The following SH3TC1 variants were observed in gnomAD, a reference collection of about 807,000 sequenced individuals.
SH3TC1 encodes SH3 domain and tetratricopeptide repeat-containing protein 1.
Under a neutral mutation model 117.3 loss-of-function variants are expected in SH3TC1, and 135 were observed. That is an observed-to-expected ratio of 1.15 (90% confidence interval 1.00 to 1.33). SH3TC1 has a LOEUF of 1.33. SH3TC1 is among the 40% of genes most tolerant of loss of function. The probability of loss-of-function intolerance (pLI) is 0.00; values close to 1 mark genes in which losing one functional copy is unlikely to be tolerated. For synonymous variants in SH3TC1, 898 were observed against 816.9 expected (o/e 1.10, Z -1.69); for missense variants, 2,092 against 1,794.3 (o/e 1.17, Z -3.00).
chr4:8,202,899 A>G (rs1717932788), intron 1 of SH3TC1, among the ~76,000 whole-genome samples: 1 of 152,050 alleles, frequency 6.6e-6, no homozygotes, highest in Non-Finnish European at 1.5e-5. Flanking sequence ...GAAACCAAGG[A>G]CTTTAGACCG....
Position 8,213,646 on chromosome 4 carries a change from C to T in SH3TC1, c.375+818C>T, listed in dbSNP as rs193157840. Among the ~76,000 whole-genome samples the T allele has an allele frequency of 7.0e-3, 1,061 of 152,258 alleles. 15 individuals carry two copies. Among genetic ancestry groups the T allele is most frequent in the South Asian group, 0.043 (206 of 4,806 alleles). ...GACATGGTGGCTCACACCTGTAATCCTAGCACTTTGGGCGAACGACGAAGA... is the reference window on the plus strand; with the variant it reads ...GACATGGTGGCTCACACCTGTAATCTTAGCACTTTGGGCGAACGACGAAGA... On this transcript the variant is annotated intron_variant, in intron 4 of 17. Coordinates refer to ENST00000245105, the MANE Select transcript of SH3TC1 (RefSeq NM_018986.5).
chr4:8,225,337 G>A lies in SH3TC1; in HGVS notation c.1285+121G>A, dbSNP rs1305380075. On this transcript the variant is annotated intron_variant, in intron 11 of 17. Coordinates refer to ENST00000245105, the MANE Select transcript of SH3TC1 (RefSeq NM_018986.5). This position sits in a 1 kb window ranked among gnomAD's most constrained non-coding sequence, Gnocchi z 5.5. ...GGTGCGGCTGTCACCCCTCTGTGGT[G>A]TGGGCTGGGGGCTTGGGGGAGGTTG... The A allele has an allele frequency of 3.5e-5, 40 of 1,144,714 alleles. 1 individual carries two copies. In the East Asian group the frequency reaches 9.6e-4, roughly 28 times the overall value. The allele number at this position is 1,144,714 out of a possible 1,614,324, so 70.9% of individuals were successfully genotyped here. A position where few individuals can be genotyped will look rare whatever the true frequency, so the allele number is the denominator to read the frequency against.
intron 1 of SH3TC1, among the ~76,000 whole-genome samples, chr4:8,185,854 G>C (rs1717204191): frequency 6.6e-6 from 1 of 152,190 alleles, no homozygotes; most frequent in Non-Finnish European, 1.5e-5. Flanking sequence ...GGTCAGCACA[G>C]TCGTGGTTTT....
chr4:8,207,436 G>A (rs566154788), intron 2 of SH3TC1, among the ~76,000 whole-genome samples: 74 of 152,320 alleles, frequency 4.9e-4, no homozygotes, highest in African/African-American at 1.5e-3. Context: ...CTGAAACTGC[G>A]TGAATATCCT....
chr4:8,205,180 A>G lies in SH3TC1; in HGVS notation c.-15A>G. The G allele has an allele frequency of 6.7e-7, 1 of 1,500,694 alleles. No individual in the cohort carries two copies. Among genetic ancestry groups the G allele is most frequent in the Non-Finnish European group, 8.9e-7 (1 of 1,124,954 alleles). 93.0% of individuals were successfully genotyped at this position (1,500,694 alleles called of 1,614,324 possible). Reference sequence around the variant, plus strand: ...CTCTGTCCACAGGGCCAGGCATGTGAGGTCTCTGCGGGTCATGGAGAACCT... The same window carrying G: ...CTCTGTCCACAGGGCCAGGCATGTGGGGTCTCTGCGGGTCATGGAGAACCT... On this transcript the variant is annotated 5_prime_UTR_variant, in exon 2 of 18. It removes the in-frame stop codon of an upstream open reading frame in the 5' UTR. Coordinates refer to ENST00000245105, the MANE Select transcript of SH3TC1 (RefSeq NM_018986.5). This position sits in a 1 kb window ranked among gnomAD's most constrained non-coding sequence, Gnocchi z 5.4.
chr4:8,233,870 C>T (rs1721499393), intron 14 of SH3TC1, among the ~76,000 whole-genome samples: 1 of 150,914 alleles, frequency 6.6e-6, no homozygotes, highest in African/African-American at 2.4e-5. Flanking sequence ...ATCCATTCAC[C>T]TATCATCCTT....
intron 6 of SH3TC1, 36 bp downstream of exon 6, chr4:8,216,293 T>C: frequency 6.2e-7 from 1 of 1,601,522 alleles, no homozygotes; most frequent in Non-Finnish European, 8.5e-7. Context: ...GAGATCCAGC[T>C]GTGCGGGGCA....
intron 1 of SH3TC1, among the ~76,000 whole-genome samples, chr4:8,191,027 G>A (rs898343299): frequency 2.6e-5 from 4 of 152,192 alleles, no homozygotes; most frequent in South Asian, 4.1e-4. Context: ...GAGCTGCAGG[G>A]CTGCTGTGGG....
rs1421582154 is a variant in SH3TC1 at position 8,209,806 on chromosome 4, G to C, written c.231G>C (p.Met77Ile). ...GPAAGTPPCQ[M>I]GVYPTDLTLQ... Reference sequence around the variant, plus strand: ...CTGCTGGGACCCCTCCCTGCCAGATGGGGGTTTATCCCACAGGTAAACATC... The same window carrying C: ...CTGCTGGGACCCCTCCCTGCCAGATCGGGGTTTATCCCACAGGTAAACATC... Residue 77 changes from methionine (M) to isoleucine (I), a missense_variant, in exon 3 of 18, where the codon ATG (methionine) becomes ATC (isoleucine). By Grantham distance (10) the Met-to-Ile change is conservative (BLOSUM62 1). Transcript: ENST00000245105. The surrounding 1 kb of genome is among the most constrained non-coding windows in gnomAD (Gnocchi z 5.9). 6.2e-7 allele frequency: 1 copy of C among 1,613,354 alleles called. No homozygotes were observed. The highest frequency in any genetic ancestry group is 1.3e-5 in the African/African-American group (1 of 74,872).
rs893760066 is a variant in SH3TC1, at chr4:8,228,567, G to A, written c.2873G>A (p.Arg958His). Residue 958 changes from arginine (R) to histidine (H), a missense_variant, in exon 12 of 18, where the codon CGC (arginine) becomes CAC (histidine). Transcript: ENST00000245105. ...CTGCAGCTGGGCCATCTCTGCACCC[G>A]CCAGGGCCCGGCCCAGCAGGGCAAG... ...VLLQLGHLCT[R>H]QGPAQQGKGY... 18 of 1,598,878 alleles carry A rather than the reference G, an allele frequency of 1.1e-5. No individual in the cohort carries two copies. The highest frequency in any genetic ancestry group is 2.7e-5 in the African/African-American group (2 of 74,732).
intron 1 of SH3TC1, among the ~76,000 whole-genome samples, chr4:8,189,512 G>T (rs751405575): frequency 3.3e-5 from 5 of 152,236 alleles, no homozygotes; most frequent in Non-Finnish European, 5.9e-5. Flanking sequence ...GGCATTGGGG[G>T]TGTGGGACAG....
chr4:8,237,568 G>A lies in SH3TC1; in HGVS notation c.3651G>A (p.Lys1217=), dbSNP rs539036596. 1 of 1,612,242 alleles carries A rather than the reference G, an allele frequency of 6.2e-7. No individual in the cohort carries two copies. The highest frequency in any genetic ancestry group is 1.3e-5 in the African/African-American group (1 of 75,044). Residue 1217 remains lysine (K), a synonymous_variant, in exon 17 of 18, where the codon AAG becomes AAA. Transcript: ENST00000245105. The part of the protein sequence containing the change: ...HGELAEHFYL[K]ALSLCNSPLE... The stretch of plus-strand genomic sequence containing the variant: ...AGCTGGCAGAGCACTTCTACCTCAA[G>A]GCCCTGTCGCTCTGCAACTCGCCGC...
rs1014732684 is a variant in SH3TC1, at chr4:8,210,029, C to A, written c.247+207C>A. 6.6e-6 allele frequency among the ~76,000 whole-genome samples: 1 copy of A among 152,202 alleles called. No homozygotes were observed. Among genetic ancestry groups the A allele is most frequent in the Non-Finnish European group, 1.5e-5 (1 of 68,010 alleles). On this transcript the variant is annotated intron_variant, in intron 3 of 17. Coordinates refer to ENST00000245105, the MANE Select transcript of SH3TC1 (RefSeq NM_018986.5). The surrounding 1 kb of genome is among the most constrained non-coding windows in gnomAD (Gnocchi z 4.1). The stretch of plus-strand genomic sequence containing the variant: ...GGGGGACATGGCCCCTGGGGCTCCC[C>A]TAGGCATCCCTGTGTGCACCTGCAC...
At chr4:8,207,961 A>G (rs1178170042) in intron 2 of SH3TC1, among the ~76,000 whole-genome samples, 1 of 152,228 alleles carries the variant, frequency 6.6e-6, no homozygotes, top group Non-Finnish European at 1.5e-5. Context: ...AGAGCCAGCG[A>G]CCATGACACA....
intron 1 of SH3TC1, among the ~76,000 whole-genome samples, chr4:8,182,916 G>A (rs1029047877): frequency 2.0e-5 from 3 of 152,206 alleles, no homozygotes; most frequent in Non-Finnish European, 4.4e-5. Context: ...CCTGCCACTG[G>A]GGATGAGACC....
chr4:8,225,103 C>G lies in SH3TC1; in HGVS notation c.1244-72C>G. The G allele has an allele frequency of 6.3e-7, 1 of 1,576,646 alleles. No homozygotes were observed. Among genetic ancestry groups the G allele is most frequent in the Non-Finnish European group, 8.7e-7 (1 of 1,151,284 alleles). On this transcript the variant is annotated intron_variant, in intron 10 of 17. Transcript: ENST00000245105. This position sits in a 1 kb window ranked among gnomAD's most constrained non-coding sequence, Gnocchi z 5.5. ...ATGCTCTCACCCTGCAACATCGACA[C>G]TAGCTCAACCTGGCAGGGGACCAGA... is the stretch of plus-strand genomic sequence containing the variant.
intron 1 of SH3TC1, chr4:8,204,949 A>T (rs1578653742): frequency 5.3e-6 from 2 of 376,936 alleles, no homozygotes; most frequent in African/African-American, 4.2e-5. Context: ...GGAGGAAGGG[A>T]GCACAGCAAA....
In SH3TC1 at chr4:8,210,157, G is replaced by A. The variant is rs1718535868; in HGVS notation, c.247+335G>A. ...TAGACGAAAGTACCCACTGCGTCGT[G>A]GGGTGAGGTGTCCAGGCACAGGCTT... On this transcript the variant is annotated intron_variant, in intron 3 of 17. Transcript: ENST00000245105. The surrounding 1 kb of genome is among the most constrained non-coding windows in gnomAD (Gnocchi z 4.1). Among the ~76,000 whole-genome samples, 1 of 152,200 alleles carries A rather than the reference G, an allele frequency of 6.6e-6. No individual in the cohort carries two copies. Among genetic ancestry groups the A allele is most frequent in the Non-Finnish European group, 1.5e-5 (1 of 68,028 alleles).
rs28678308 is a variant in SH3TC1 at position 8,210,449 on chromosome 4, G to T, written c.247+627G>T. 1.3e-5 allele frequency among the ~76,000 whole-genome samples: 2 copies of T among 152,210 alleles called. No individual in the cohort carries two copies. Among genetic ancestry groups the T allele is most frequent in the African/African-American group, 2.4e-5 (1 of 41,452 alleles). Reference sequence around the variant, plus strand: ...GGTGGCCACTCGGGATGACCAGGACGCATTAGGCAATAGGACCGTTATTTA... The same window carrying T: ...GGTGGCCACTCGGGATGACCAGGACTCATTAGGCAATAGGACCGTTATTTA... On this transcript the variant is annotated intron_variant, in intron 3 of 17. Coordinates refer to ENST00000245105, the MANE Select transcript of SH3TC1 (RefSeq NM_018986.5). The surrounding 1 kb of genome is among the most constrained non-coding windows in gnomAD (Gnocchi z 4.1).
Sources: allele counts gnomAD v4.1 joint callset (sites outside exome capture counted in the v4.1 genomes callset), GRCh38; gene constraint gnomAD v4.1.1; non-coding constraint Gnocchi (gnomAD v3.1); transcripts MANE v1.5; gene names NCBI Gene and HGNC (gene_info 2026-07-23, HGNC 2026-07-21).